SCGB2B2: variants seen among roughly 807,000 people sequenced by gnomAD.
The protein encoded by SCGB2B2 is secretoglobin-like protein.
SCGB2B2 carries 11 observed loss-of-function variants against 7.6 expected under a neutral mutation model. The ratio of observed to expected loss-of-function variants is 1.45; its 90% CI spans 0.91 to 2.40. SCGB2B2 has a LOEUF of 2.40. SCGB2B2 is among the 30% of genes most tolerant of loss of function. The pLI is 0.00. For synonymous variants in SCGB2B2, 50 were observed against 48.6 expected (o/e 1.03, Z -0.12); for missense variants, 104 against 115.4 (o/e 0.90, Z 0.45).
At chr19:34,601,551 TATTA>T (rs556881155) in intron 1 of SCGB2B2, among the ~76,000 whole-genome samples, 291 of 152,368 alleles carry the variant, frequency 1.9e-3, no homozygotes, top group African/African-American at 6.5e-3. Flanking sequence ...CATATGAATG[TATTA>T]ATTTATTTAT....
intron 1 of SCGB2B2, among the ~76,000 whole-genome samples, chr19:34,651,117 T>C (rs927292119): frequency 5.3e-5 from 8 of 151,496 alleles, no homozygotes; most frequent in Non-Finnish European, 1.2e-4. Flanking sequence ...AGTAAATCAA[T>C]GTATGGCAAA....
chr19:34,645,422 C>G (rs1568439353), intron 1 of SCGB2B2: 1 of 160,166 alleles, frequency 6.2e-6, no homozygotes, highest in Admixed American at 6.5e-5. Flanking sequence ...AGCTGAGTTC[C>G]TGATATGCTG....
At chr19:34,612,997 A>G (rs2065975300) in intron 1 of SCGB2B2, among the ~76,000 whole-genome samples, 1 of 151,954 alleles carries the variant, frequency 6.6e-6, no homozygotes, top group Admixed American at 6.6e-5. Context: ...TGTCTCTTAT[A>G]GTTTTATGTT....
In SCGB2B2 at chr19:34,609,846, T is replaced by C. The variant is rs1265846202; in HGVS notation, c.-2031-13252A>G. Among the ~76,000 whole-genome samples, 5 of 152,264 alleles carry C rather than the reference T, an allele frequency of 3.3e-5. No individual in the cohort carries two copies. The East Asian group carries it at 7.7e-4, about 23-fold the overall frequency. ...ATACCAATTTTAGGACTGCTTTTTC[T>C]ACCTCTGTGAAGATGTCGTTGGTAT... On this transcript the variant is annotated intron_variant, in intron 1 of 3. Transcript: ENST00000601241.
At chr19:34,587,580 C>CA (rs1476053815), downstream of SCGB2B2, among the ~76,000 whole-genome samples, 1 of 152,050 alleles carries the variant, frequency 6.6e-6, no homozygotes, top group Non-Finnish European at 1.5e-5. Flanking sequence ...ATAAAAGTGG[C>CA]AAAAATGGAC....
At chr19:34,608,815 T>C (rs1449290890) in intron 1 of SCGB2B2, 1 of 150,900 alleles carries the variant, frequency 6.6e-6, no homozygotes, top group African/African-American at 2.4e-5. Context: ...GATATACTAA[T>C]TTTCTTTCTT....
At position 34,676,984 on chromosome 19, in the gene SCGB2B2, C is replaced by T. The variant is rs2067977874; in HGVS notation, c.-3386G>A. 1 of 152,000 alleles carries T rather than the reference C, an allele frequency of 6.6e-6. No individual in the cohort carries two copies. The allele number at this position is 152,000 out of a possible 1,614,324, so 9.4% of individuals were successfully genotyped here. On this transcript the variant is annotated 5_prime_UTR_variant, in exon 1 of 4. It adds an upstream start codon to the 5' untranslated region. Coordinates refer to ENST00000601241, the MANE Select transcript of SCGB2B2 (RefSeq NM_001025591.4). ...AGGGTCTCCATCCTCCCAGTGCTCACTCAAGTTCAGTATTTCCAAGTCCTT... is the reference window on the plus strand; with the variant it reads ...AGGGTCTCCATCCTCCCAGTGCTCATTCAAGTTCAGTATTTCCAAGTCCTT...
Position 34,665,162 on chromosome 19 carries a change from C to G in SCGB2B2, c.-2032+10468G>C, listed in dbSNP as rs576142585. Among the ~76,000 whole-genome samples, 8 of 152,290 alleles carry G rather than the reference C, an allele frequency of 5.3e-5. No homozygotes were observed. The South Asian group carries it at 1.7e-3, about 32-fold the overall frequency. ...AAATGGTGGCCATGAGAGTGCAGGC[C>G]TTGCGTCCCTCCTGTGCCCAGGCCC... is the stretch of plus-strand genomic sequence containing the variant. On this transcript the variant is annotated intron_variant, in intron 1 of 3. Transcript: ENST00000601241.
chr19:34,663,909 G>A (rs893581811), intron 1 of SCGB2B2, among the ~76,000 whole-genome samples: 1 of 152,212 alleles, frequency 6.6e-6, no homozygotes, highest in South Asian at 2.1e-4. Context: ...GAAGGAGGGA[G>A]TGTGAGCTGC....
At chr19:34,657,249 C>T (rs2067307077) in intron 1 of SCGB2B2, among the ~76,000 whole-genome samples, 1 of 151,052 alleles carries the variant, frequency 6.6e-6, no homozygotes, top group East Asian at 1.9e-4. Context: ...ATATGTATTA[C>T]CAACATTAAC....
intron 1 of SCGB2B2, among the ~76,000 whole-genome samples, chr19:34,615,029 G>C (rs1178931913): frequency 6.6e-6 from 1 of 152,168 alleles, no homozygotes; most frequent in Middle Eastern, 3.2e-3. Context: ...TGTAACAGCT[G>C]CTCAAAGCTC....
At chr19:34,616,345 C>T (rs1325978202) in intron 1 of SCGB2B2, among the ~76,000 whole-genome samples, 5 of 138,714 alleles carry the variant, frequency 3.6e-5, no homozygotes, top group Non-Finnish European at 6.5e-5. Flanking sequence ...TCCTCTCCAG[C>T]ACCTGTTGTT....
At chr19:34,640,992 A>G (rs952069661) in intron 1 of SCGB2B2, among the ~76,000 whole-genome samples, 1 of 152,104 alleles carries the variant, frequency 6.6e-6, no homozygotes, top group Non-Finnish European at 1.5e-5. Context: ...CCTTCTTTAT[A>G]GGTACTATTA....
chr19:34,627,047 C>G (rs192652615), intron 1 of SCGB2B2, among the ~76,000 whole-genome samples: 2 of 152,288 alleles, frequency 1.3e-5, no homozygotes, highest in African/African-American at 2.4e-5. Context: ...CCTTTACAGA[C>G]AAGCAAATGC....
intron 1 of SCGB2B2, among the ~76,000 whole-genome samples, chr19:34,668,194 G>C (rs1012030030): frequency 6.6e-6 from 1 of 152,210 alleles, no homozygotes; most frequent in African/African-American, 2.4e-5. Context: ...AGGTCTGGAG[G>C]GAGAGGCGCG....
At chr19:34,596,805 T>G (rs2065470364) in intron 1 of SCGB2B2, among the ~76,000 whole-genome samples, 1 of 151,752 alleles carries the variant, frequency 6.6e-6, no homozygotes, top group African/African-American at 2.4e-5. Flanking sequence ...AGGGCCGCAG[T>G]GGGGCTGAGC....
intron 1 of SCGB2B2, among the ~76,000 whole-genome samples, chr19:34,644,133 G>A (rs2066922515): frequency 6.6e-6 from 1 of 152,130 alleles, no homozygotes; most frequent in Non-Finnish European, 1.5e-5. Context: ...CGTGGCATAC[G>A]AGCAGACAGA....
At position 34,662,260 on chromosome 19, in the gene SCGB2B2, C is replaced by A. The variant is rs1431243401; in HGVS notation, c.-2032+13370G>T. ...CGTGGAAGCCAAAAGATTACACAAC[C>A]CTGTCCTAAACTGGGACAGCAGGGA... On this transcript the variant is annotated intron_variant, in intron 1 of 3. Coordinates refer to ENST00000601241, the MANE Select transcript of SCGB2B2 (RefSeq NM_001025591.4). Among the ~76,000 whole-genome samples the A allele has an allele frequency of 3.3e-5, 5 of 152,062 alleles. No homozygotes were observed. The Middle Eastern group carries it at 0.01, about 310-fold the overall frequency.
At chr19:34,613,530 G>GT (rs1362847053) in intron 1 of SCGB2B2, among the ~76,000 whole-genome samples, 1 of 152,182 alleles carries the variant, frequency 6.6e-6, no homozygotes, top group Non-Finnish European at 1.5e-5. Context: ...AATTTAGTCT[G>GT]TTTTCACTCA....
Sources: gnomAD v4.1 joint callset for allele counts (sites outside exome capture counted in the v4.1 genomes callset) on GRCh38, gnomAD v4.1.1 for gene constraint, MANE v1.5 for transcripts, NCBI Gene and HGNC (gene_info 2026-07-23, HGNC 2026-07-21) for gene names.